Variants in LTBP1 observed in about 807,000 individuals in gnomAD.
The protein encoded by LTBP1 is latent transforming growth factor beta binding protein 1, also known as latent-transforming growth factor beta-binding protein 1.
In LTBP1, 129 loss-of-function variants were observed where a neutral mutation model predicts 207.6. That is an observed-to-expected ratio of 0.62 (90% CI 0.54 to 0.72). The LOEUF (loss-of-function observed/expected upper bound fraction) is 0.72. Among genes scored for constraint, LTBP1 ranks in the 30% least tolerant of loss-of-function variants. The probability of loss-of-function intolerance (pLI) is 0.00; values close to 1 mark genes in which losing one functional copy is unlikely to be tolerated. For missense variants in LTBP1, 2,281 were observed against 2,217.2 expected (o/e 1.03, Z -0.58); for synonymous variants, 963 against 833.7 (o/e 1.16, Z -2.67).
rs1167181028 is a variant in LTBP1, at chr2:33,011,219, T to C, written c.566-9690T>C. Among the ~76,000 whole-genome samples the C allele has an allele frequency of 7.2e-5, 11 of 152,218 alleles. No individual in the cohort carries two copies. The East Asian group carries it at 2.1e-3, about 29-fold the overall frequency. ...AAGTCTGTACCAGTGTACACTCCTC[T>C]TGGCATGTAGGAGTGGGCTTGTCTC... On this transcript the variant is annotated intron_variant, in intron 2 of 33. Coordinates refer to ENST00000404816, the MANE Select transcript of LTBP1 (RefSeq NM_206943.4).
At position 33,257,524 on chromosome 2, in the gene LTBP1, A is replaced by G. The variant is rs1464214569; in HGVS notation, c.2395+13A>G. 1.3e-6 allele frequency: 2 copies of G among 1,599,870 alleles called. No homozygotes were observed. The highest frequency in any genetic ancestry group is 1.7e-6 in the Non-Finnish European group (2 of 1,167,542). On this transcript the variant is annotated intron_variant, in intron 12 of 33. Coordinates refer to ENST00000404816, the MANE Select transcript of LTBP1 (RefSeq NM_206943.4). The stretch of plus-strand genomic sequence containing the variant: ...GCGGAGCCAGAAGGTGAGAGCGGTA[A>G]TGGATCATGGACTCTAGACATCTAT...
At chr2:33,376,660 G>A (rs2095143496) in intron 31 of LTBP1, among the ~76,000 whole-genome samples, 1 of 152,120 alleles carries the variant, frequency 6.6e-6, no homozygotes, top group African/African-American at 2.4e-5. Context: ...GGGAATAATA[G>A]GACAGAAAAA....
intron 2 of LTBP1, among the ~76,000 whole-genome samples, chr2:32,987,917 A>G (rs998589675): frequency 3.9e-5 from 6 of 152,220 alleles, no homozygotes; most frequent in Non-Finnish European, 7.3e-5. Flanking sequence ...GGATCCTGAG[A>G]TGAGGAGGTT....
At chr2:33,242,574 T>A (rs1460005415) in intron 9 of LTBP1, among the ~76,000 whole-genome samples, 1 of 151,856 alleles carries the variant, frequency 6.6e-6, no homozygotes, top group Non-Finnish European at 1.5e-5. Context: ...CAGCTGTGAT[T>A]TTTTTTTCCT....
chr2:33,210,597 CCT>C (rs916935587), intron 7 of LTBP1, among the ~76,000 whole-genome samples: 1 of 152,134 alleles, frequency 6.6e-6, no homozygotes, highest in Non-Finnish European at 1.5e-5. Context: ...CTTCTTTTCC[CCT>C]GTTTCCTGGT....
At chr2:33,275,682 C>G (rs2093411140) in intron 17 of LTBP1, 119 bp from the exon 18 acceptor site, 1 of 1,309,570 alleles carries the variant, frequency 7.6e-7, no homozygotes, top group African/African-American at 1.5e-5. Context: ...GAAACTCCAT[C>G]TCAAAAAAAA....
At chr2:32,969,634 A>G (rs1018215415) in intron 2 of LTBP1, among the ~76,000 whole-genome samples, 1 of 152,194 alleles carries the variant, frequency 6.6e-6, no homozygotes, top group Non-Finnish European at 1.5e-5. Context: ...GTAATATTCC[A>G]TGGTATATAC....
intron 2 of LTBP1, among the ~76,000 whole-genome samples, chr2:32,969,769 A>C (rs774898948): frequency 6.6e-6 from 1 of 152,314 alleles, no homozygotes; most frequent in Non-Finnish European, 1.5e-5. Context: ...AGAATGATAT[A>C]TATTCTGGGT....
intron 5 of LTBP1, among the ~76,000 whole-genome samples, chr2:33,164,400 A>G (rs1200963757): frequency 6.7e-6 from 1 of 150,224 alleles, no homozygotes; most frequent in African/African-American, 2.5e-5. Flanking sequence ...TAATGGCCCA[A>G]CTATGAATAA....
At chr2:33,176,082 C>G (rs2086016689) in intron 5 of LTBP1, among the ~76,000 whole-genome samples, 1 of 151,122 alleles carries the variant, frequency 6.6e-6, no homozygotes, top group Non-Finnish European at 1.5e-5. Context: ...GTGCAGCACA[C>G]CAGCATGGCA....
chr2:33,349,821 A>G (rs573554307), intron 26 of LTBP1, among the ~76,000 whole-genome samples: 13 of 152,244 alleles, frequency 8.5e-5, no homozygotes, highest in Non-Finnish European at 1.3e-4. Flanking sequence ...ATGTAAGTAC[A>G]GTAATCAATA....
chr2:33,038,130 GTTA>G (rs1217043115), intron 3 of LTBP1, among the ~76,000 whole-genome samples: 1 of 152,178 alleles, frequency 6.6e-6, no homozygotes, highest in East Asian at 1.9e-4. Flanking sequence ...AAATGTTGGG[GTTA>G]TTATTGTTTT....
intron 24 of LTBP1, among the ~76,000 whole-genome samples, chr2:33,318,897 C>A (rs1338099884): frequency 6.6e-6 from 1 of 152,186 alleles, no homozygotes; most frequent in Non-Finnish European, 1.5e-5. Context: ...TACTCATCAT[C>A]AAGCCTGGGC....
intron 15 of LTBP1, among the ~76,000 whole-genome samples, chr2:33,272,466 A>G (rs183776764): frequency 1.3e-5 from 2 of 152,236 alleles, no homozygotes; most frequent in African/African-American, 4.8e-5. Flanking sequence ...AGCCCAAGGT[A>G]GTATTGGTAT....
chr2:33,230,834 T>TA (rs904693335), intron 9 of LTBP1, among the ~76,000 whole-genome samples: 7 of 152,250 alleles, frequency 4.6e-5, no homozygotes, highest in African/African-American at 1.4e-4. Context: ...CAAAGTCACT[T>TA]ACCAGTTTCA....
In LTBP1 at chr2:32,947,739, G is replaced by T; in HGVS notation, c.415G>T (p.Val139Leu). Reference sequence around the variant, plus strand: ...GTTCACCAAACAAGGCAGGCAAGTTGTGCGCTCCAAGGTGCCGCAGGAGAC... The same window carrying T: ...GTTCACCAAACAAGGCAGGCAAGTTTTGCGCTCCAAGGTGCCGCAGGAGAC... ...APFTKQGRQV[V>L]RSKVPQETQS... Residue 139 changes from valine to leucine, a missense_variant, in exon 1 of 34, where the codon GTG becomes TTG. This residue lies in a region of LTBP1 where 555 missense variants were observed against 491.0 expected (regional missense o/e 1.13). Coordinates refer to ENST00000404816, the MANE Select transcript of LTBP1 (RefSeq NM_206943.4). The T allele has an allele frequency of 6.5e-7, 1 of 1,538,578 alleles. No homozygotes were observed. Among genetic ancestry groups the T allele is most frequent in the Non-Finnish European group, 8.7e-7 (1 of 1,144,198 alleles).
At chr2:33,063,081 G>A (rs972180198) in intron 3 of LTBP1, 1 of 152,246 alleles carries the variant, frequency 6.6e-6, no homozygotes, top group South Asian at 2.1e-4. Context: ...ACACTGTCTT[G>A]AGTACTGTAG....
intron 5 of LTBP1, among the ~76,000 whole-genome samples, chr2:33,165,149 C>G (rs1454483882): frequency 6.6e-6 from 1 of 152,038 alleles, no homozygotes; most frequent in East Asian, 1.9e-4. Flanking sequence ...GGGAAGTGAA[C>G]TGATTGGTTG....
In LTBP1 at chr2:33,001,885, T is replaced by C. The variant is rs1355471256; in HGVS notation, c.566-19024T>C. 1.5e-5 allele frequency among the ~76,000 whole-genome samples: 2 copies of C among 135,042 alleles called. 1 individual carries two copies. Among genetic ancestry groups the C allele is most frequent in the East Asian group, 7.6e-4 (2 of 2,624 alleles). The allele number at this position is 135,042 out of a possible 152,430, so 88.6% of individuals were successfully genotyped here. On this transcript the variant is annotated intron_variant, in intron 2 of 33. Coordinates refer to ENST00000404816, the MANE Select transcript of LTBP1 (RefSeq NM_206943.4). ...TGAAACAAATAGTAAGAGGAGAAAG[T>C]GTCCTGTTGTAGAAACTCCCATCTT...
Sources: gnomAD v4.1 joint callset for allele counts (sites outside exome capture counted in the v4.1 genomes callset) on GRCh38, gnomAD v4.1.1 for gene constraint, gnomAD v4.1.1 regional missense constraint, MANE v1.5 for transcripts, NCBI Gene and HGNC (gene_info 2026-07-23, HGNC 2026-07-21) for gene names.